Variants in SYN2 observed in about 807,000 individuals in gnomAD.
SYN2 encodes synapsin II.
In SYN2, 19 loss-of-function variants were observed where a neutral mutation model predicts 50.9. The observed-to-expected ratio is 0.37, with a 90% CI of 0.26 to 0.55. SYN2 has a LOEUF of 0.55. SYN2 is among the 20% of genes least tolerant of loss of function. SYN2 has a pLI of 0.81. For synonymous variants in SYN2, 255 were observed against 224.9 expected (o/e 1.13, Z -1.20); for missense variants, 587 against 576.4 (o/e 1.02, Z -0.19).
At chr3:12,058,530 A>G (rs148551497) in intron 1 of SYN2, among the ~76,000 whole-genome samples, 35 of 152,302 alleles carry the variant, frequency 2.3e-4, no homozygotes, top group Non-Finnish European at 4.7e-4. Context: ...ATTTGCCTCA[A>G]TTATTTCCAC....
intron 1 of SYN2, among the ~76,000 whole-genome samples, chr3:12,045,191 A>T (rs1559397446): frequency 6.6e-6 from 1 of 152,128 alleles, no homozygotes. Flanking sequence ...TGATGTTTAA[A>T]GGGGGGTTTA....
chr3:12,004,867 G>T lies in SYN2; in HGVS notation c.316G>T (p.Ala106Ser), dbSNP rs1486419334. The change falls in exon 1 of 13, where the codon GCG becomes TCG. Residue 106 changes from alanine (A) to serine (S), a missense_variant. By Grantham distance (99) the Ala-to-Ser change is moderately conservative (BLOSUM62 1). Transcript: ENST00000621198. ...TGGCCTGGTGGACGCGCCCGCTCCC[G>T]CGCCCGCAGCCGCCAGGAAGGCCAA... is the stretch of plus-strand genomic sequence containing the variant. ...SAGLVDAPAP[A>S]PAAARKAKVL... 66 of 568,748 alleles carry T rather than the reference G, an allele frequency of 1.2e-4. No homozygotes were observed. The highest frequency in any genetic ancestry group is 4.7e-4 in the Admixed American group (16 of 34,104). 35.2% of individuals were successfully genotyped at this position (568,748 alleles called of 1,614,324 possible).
At chr3:12,069,412 C>T (rs973139196) in intron 1 of SYN2, among the ~76,000 whole-genome samples, 2 of 152,028 alleles carry the variant, frequency 1.3e-5, no homozygotes, top group African/African-American at 2.4e-5. Context: ...CCACGTGTGG[C>T]TAATTTTTGT....
At chr3:12,068,097 A>C (rs974139611) in intron 1 of SYN2, among the ~76,000 whole-genome samples, 1 of 152,178 alleles carries the variant, frequency 6.6e-6, no homozygotes, top group African/African-American at 2.4e-5. Flanking sequence ...AAAAATTTGA[A>C]CTCAAATGTA....
rs751321908 is a variant in SYN2, at chr3:12,183,308, C to T, written c.1309-4C>T. ...TTTTTATCTCTTACATTTTTGTCTT[C>T]CAGAGCGGAACACTTAAGGATCCGG... On this transcript the variant is annotated splice_region_variant and splice_polypyrimidine_tract_variant and intron_variant, in intron 10 of 12. Coordinates refer to ENST00000621198, the MANE Select transcript of SYN2 (RefSeq NM_133625.6). The T allele has an allele frequency of 6.2e-7, 1 of 1,603,290 alleles. No homozygotes were observed. Among genetic ancestry groups the T allele is most frequent in the East Asian group, 2.2e-5 (1 of 44,792 alleles).
In SYN2 at chr3:12,151,154, T is replaced by C. The variant is rs540289319; in HGVS notation, c.685-83T>C. 21 of 977,674 alleles carry C rather than the reference T, an allele frequency of 2.1e-5. No homozygotes were observed. The East Asian group carries it at 3.1e-4, about 14-fold the overall frequency. 60.6% of individuals were successfully genotyped at this position (977,674 alleles called of 1,614,324 possible). A position where few individuals can be genotyped will look rare whatever the true frequency, so the allele number is the denominator to read the frequency against. On this transcript the variant is annotated intron_variant, in intron 4 of 12. Transcript: ENST00000621198. ...ATAAAGTCCTCCACAGAGCAAATGC[T>C]CAATAAATATTTGATGAGTTGATGT... is the stretch of plus-strand genomic sequence containing the variant.
chr3:12,179,392 AAAAAAG>A (rs1236205496), intron 10 of SYN2, among the ~76,000 whole-genome samples: 4 of 151,534 alleles, frequency 2.6e-5, no homozygotes, highest in South Asian at 2.1e-4. Flanking sequence ...AAAAAAAAAA[AAAAAAG>A]CATAAACGAA....
At chr3:12,053,184 A>C (rs1694905788) in intron 1 of SYN2, among the ~76,000 whole-genome samples, 1 of 152,164 alleles carries the variant, frequency 6.6e-6, no homozygotes, top group Non-Finnish European at 1.5e-5. Context: ...GCACTTTGGG[A>C]GGCCGAGGTG....
At chr3:12,136,039 G>T (rs1263196943) in intron 1 of SYN2, among the ~76,000 whole-genome samples, 1 of 152,184 alleles carries the variant, frequency 6.6e-6, no homozygotes, top group Non-Finnish European at 1.5e-5. Flanking sequence ...AGGCGTAGGT[G>T]GGGGAGCAGT....
At chr3:12,171,981 A>G (rs1404876977) in intron 10 of SYN2, among the ~76,000 whole-genome samples, 1 of 152,240 alleles carries the variant, frequency 6.6e-6, no homozygotes, top group Non-Finnish European at 1.5e-5. Flanking sequence ...GGCAGAAAAC[A>G]GCAAGGAATA....
intron 11 of SYN2, chr3:12,184,575 T>C: frequency 1.0e-6 from 1 of 985,918 alleles, no homozygotes; most frequent in Non-Finnish European, 1.2e-6. Context: ...TTCTCAGCTG[T>C]TTACCACAGC....
In SYN2 at chr3:12,187,302, C is replaced by T; in HGVS notation, c.1370-67C>T. 2.7e-6 allele frequency: 4 copies of T among 1,465,446 alleles called. No homozygotes were observed. In the African/African-American group the frequency reaches 5.7e-5, roughly 21 times the overall value. 90.8% of individuals were successfully genotyped at this position (1,465,446 alleles called of 1,614,324 possible). On this transcript the variant is annotated intron_variant, in intron 11 of 12. Transcript: ENST00000621198. Reference sequence around the variant, plus strand: ...AATTAACTAACCACACCCTTTGAGGCATAAATTCTAATAAGGAAACATTTT... The same window carrying T: ...AATTAACTAACCACACCCTTTGAGGTATAAATTCTAATAAGGAAACATTTT...
intron 5 of SYN2, chr3:12,158,620 C>T: frequency 2.6e-6 from 4 of 1,564,382 alleles, no homozygotes; most frequent in South Asian, 2.3e-5. Flanking sequence ...CCCTTTTCCT[C>T]TGGACTCCTG....
intron 1 of SYN2, among the ~76,000 whole-genome samples, chr3:12,083,188 T>C (rs1217040464): frequency 6.6e-6 from 1 of 152,084 alleles, no homozygotes; most frequent in African/African-American, 2.4e-5. Context: ...ATTTTTGTAT[T>C]TTTCGTAGAG....
chr3:12,140,792 A>G, intron 2 of SYN2, 84 bp downstream of exon 2: 1 of 717,000 alleles, frequency 1.4e-6, no homozygotes, highest in Non-Finnish European at 2.6e-6. Flanking sequence ...CGTTCTGCTG[A>G]GTGGAATACT....
chr3:12,075,879 C>T (rs1302104990), intron 1 of SYN2, among the ~76,000 whole-genome samples: 2 of 152,120 alleles, frequency 1.3e-5, no homozygotes, highest in African/African-American at 4.8e-5. Flanking sequence ...CTTTAAAGAG[C>T]ATATAGCTGA....
intron 9 of SYN2, among the ~76,000 whole-genome samples, chr3:12,169,386 T>C (rs886613431): frequency 2.6e-5 from 4 of 152,174 alleles, no homozygotes; most frequent in Non-Finnish European, 5.9e-5. Flanking sequence ...GAAAAGCACA[T>C]GCTCCTAATC....
rs183975925 is a variant in SYN2 at position 12,079,923 on chromosome 3, G to A, written c.378-60728G>A. On this transcript the variant is annotated intron_variant, in intron 1 of 12. Coordinates refer to ENST00000621198, the MANE Select transcript of SYN2 (RefSeq NM_133625.6). ...TCTGTTAGAATTCAGCTGTATATCC[G>A]TCTGGTCCTGGGCTTTTTTTGGTTG... Among the ~76,000 whole-genome samples, 18 of 152,030 alleles carry A rather than the reference G, an allele frequency of 1.2e-4. 1 individual carries two copies. Among genetic ancestry groups the A allele is most frequent in the Admixed American group, 1.1e-3 (17 of 15,258 alleles).
intron 1 of SYN2, among the ~76,000 whole-genome samples, chr3:12,076,678 A>AC (rs1695474467): frequency 6.6e-6 from 1 of 152,112 alleles, no homozygotes; most frequent in Non-Finnish European, 1.5e-5. Flanking sequence ...CAATTCTGTT[A>AC]GGTAAGTATT....
Sources: allele counts gnomAD v4.1 joint callset (sites outside exome capture counted in the v4.1 genomes callset), GRCh38; gene constraint gnomAD v4.1.1; transcripts MANE v1.5; gene names NCBI Gene and HGNC (gene_info 2026-07-23, HGNC 2026-07-21).